SPTLC3: variants seen among roughly 807,000 people sequenced by gnomAD.
SPTLC3 encodes serine palmitoyltransferase 3.
A neutral mutation model predicts 59.3 loss-of-function variants in SPTLC3; 36 were observed. The observed-to-expected ratio is 0.61, with a 90% confidence interval of 0.47 to 0.80. The LOEUF is 0.80. SPTLC3 is among the 30% of genes least tolerant of loss of function. The pLI is 0.00. For missense variants in SPTLC3, 625 were observed against 685.1 expected (o/e 0.91, Z 0.98); for synonymous variants, 257 against 240.8 (o/e 1.07, Z -0.62).
At chr20:13,067,027 T>A (rs1266540023) in intron 2 of SPTLC3, among the ~76,000 whole-genome samples, 1 of 92,844 alleles carries the variant, frequency 1.1e-5, no homozygotes, top group African/African-American at 3.4e-5. Flanking sequence ...TATGTTTATA[T>A]AAAAATGTCA....
At chr20:13,106,082 G>A (rs926440931) in intron 6 of SPTLC3, among the ~76,000 whole-genome samples, 1 of 152,100 alleles carries the variant, frequency 6.6e-6, no homozygotes, top group Admixed American at 6.6e-5. Flanking sequence ...TCTTGGGAAC[G>A]TTCAAAAAAT....
chr20:13,101,405 T>C (rs1169790247), intron 6 of SPTLC3, among the ~76,000 whole-genome samples: 1 of 152,206 alleles, frequency 6.6e-6, no homozygotes, highest in African/African-American at 2.4e-5. Flanking sequence ...CTCAGTCCAG[T>C]GTGATGGCTA....
Position 13,027,636 on chromosome 20 carries a change from AGCAC to A in SPTLC3, c.117+18257_117+18260del, listed in dbSNP as rs796863910. Among the ~76,000 whole-genome samples, 335 of 72,964 alleles carry A rather than the reference AGCAC, an allele frequency of 4.6e-3. 4 individuals carry two copies. The highest frequency in any genetic ancestry group is 0.015 in the African/African-American group (324 of 21,926). 47.9% of individuals were successfully genotyped at this position (72,964 alleles called of 152,430 possible). A position where few individuals can be genotyped will look rare whatever the true frequency, so the allele number is the denominator to read the frequency against. On this transcript the variant is annotated intron_variant, in intron 1 of 11. Transcript: ENST00000399002. ...CCTCTGTTCTTCAGTAATCTATTTCAGCACGCACACACACACACACACACACACA... is the reference window on the plus strand; with the variant it reads ...CCTCTGTTCTTCAGTAATCTATTTCAGCACACACACACACACACACACACA...
intron 5 of SPTLC3, among the ~76,000 whole-genome samples, chr20:13,092,475 T>C (rs377107189): frequency 2.6e-5 from 4 of 152,226 alleles, no homozygotes; most frequent in African/African-American, 9.6e-5. Context: ...TATAAAAAGC[T>C]TAAGACATCA....
intron 9 of SPTLC3, among the ~76,000 whole-genome samples, chr20:13,146,614 T>C (rs2038515872): frequency 6.6e-6 from 1 of 152,184 alleles, no homozygotes; most frequent in South Asian, 2.1e-4. Flanking sequence ...AATAATACTA[T>C]GCAAATGTCT....
chr20:13,027,204 A>G (rs1191251523), intron 1 of SPTLC3, among the ~76,000 whole-genome samples: 1 of 152,204 alleles, frequency 6.6e-6, no homozygotes, highest in Non-Finnish European at 1.5e-5. Flanking sequence ...CTTCTGGAGA[A>G]CCCAAAATTA....
intron 6 of SPTLC3, among the ~76,000 whole-genome samples, chr20:13,101,874 C>A (rs1043659586): frequency 2.0e-5 from 3 of 152,128 alleles, no homozygotes; most frequent in Non-Finnish European, 4.4e-5. Flanking sequence ...ACACTCAGAG[C>A]AGCGAGACTG....
At chr20:13,144,627 T>G (rs6033625) in intron 9 of SPTLC3, among the ~76,000 whole-genome samples, 107,589 of 152,080 alleles carry the variant, frequency 0.71, 38,100 homozygotes, top group African/African-American at 0.75. Context: ...CAACAAACAC[T>G]ATATAATTTG....
rs1385417210 is a variant in SPTLC3, at chr20:13,039,408, G to A, written c.118-9537G>A. ...ACAGTTTTGTTTTAAAATCTATTTT[G>A]TCTGATACTACTATAGCAATTTCAG... On this transcript the variant is annotated intron_variant, in intron 1 of 11. Transcript: ENST00000399002. Among the ~76,000 whole-genome samples the A allele has an allele frequency of 2.0e-5, 3 of 151,858 alleles. 1 individual carries two copies.
intron 10 of SPTLC3, 25 bp from the exon 11 acceptor site, chr20:13,159,978 T>C: frequency 6.6e-7 from 1 of 1,516,716 alleles, no homozygotes; most frequent in South Asian, 1.3e-5. Flanking sequence ...CACTTTTTTT[T>C]TTTCTTTTTT....
intron 11 of SPTLC3, among the ~76,000 whole-genome samples, chr20:13,163,228 C>T (rs532755964): frequency 1.1e-4 from 16 of 151,906 alleles, no homozygotes; most frequent in Admixed American, 9.2e-4. Flanking sequence ...ATTAGCCAGG[C>T]GTAGTAGCAT....
intron 5 of SPTLC3, among the ~76,000 whole-genome samples, chr20:13,092,099 CT>C (rs1442278351): frequency 6.6e-6 from 1 of 152,150 alleles, no homozygotes; most frequent in African/African-American, 2.4e-5. Flanking sequence ...TCTGCAATGT[CT>C]GTGCAAAAGT....
chr20:13,069,292 C>T (rs549311378), intron 2 of SPTLC3, among the ~76,000 whole-genome samples: 3 of 152,150 alleles, frequency 2.0e-5, no homozygotes, highest in Admixed American at 6.5e-5. Context: ...GTTCAAGTCA[C>T]GCACCTTTCT....
rs536775172 is a variant in SPTLC3, at chr20:13,110,215, C to T, written c.930C>T (p.Tyr310=). ...TTCTCATCCTGGTGGAGGGTGTCTACAGGTATGTAAATAACAGGACACATT... is the reference window on the plus strand; with the variant it reads ...TTCTCATCCTGGTGGAGGGTGTCTATAGGTATGTAAATAACAGGACACATT... The part of the protein sequence containing the change: ...KKILILVEGV[Y]SMEGSIVHLP... The change falls in exon 7 of 12, where the codon TAC becomes TAT. Residue 310 remains tyrosine (Y), a splice_region_variant and synonymous_variant. Transcript: ENST00000399002. 16 of 1,612,972 alleles carry T rather than the reference C, an allele frequency of 9.9e-6. No individual in the cohort carries two copies. In the East Asian group the frequency reaches 3.6e-4, roughly 36 times the overall value.
At chr20:13,021,070 G>A (rs778202818) in intron 1 of SPTLC3, among the ~76,000 whole-genome samples, 45 of 152,146 alleles carry the variant, frequency 3.0e-4, no homozygotes, top group Non-Finnish European at 6.2e-4. Context: ...ATCCCATAAT[G>A]ACTTCTCAAT....
At chr20:13,071,045 C>T (rs1988416761) in intron 2 of SPTLC3, among the ~76,000 whole-genome samples, 1 of 152,108 alleles carries the variant, frequency 6.6e-6, no homozygotes, top group African/African-American at 2.4e-5. Flanking sequence ...ACTGTAATCC[C>T]ACGAATGTCC....
chr20:13,042,602 G>A (rs973656873), intron 1 of SPTLC3, among the ~76,000 whole-genome samples: 1 of 152,172 alleles, frequency 6.6e-6, no homozygotes, highest in Admixed American at 6.5e-5. Flanking sequence ...CTGCAAAACA[G>A]AACTGAGAGT....
chr20:13,077,251 A>G (rs181132356), intron 4 of SPTLC3, among the ~76,000 whole-genome samples: 14 of 150,902 alleles, frequency 9.3e-5, no homozygotes, highest in Non-Finnish European at 1.9e-4. Flanking sequence ...ATAAGTTACT[A>G]TTACTTTATG....
At chr20:13,156,850 C>T (rs2038780026) in intron 10 of SPTLC3, among the ~76,000 whole-genome samples, 1 of 152,182 alleles carries the variant, frequency 6.6e-6, no homozygotes, top group Non-Finnish European at 1.5e-5. Flanking sequence ...GGTTGCATGG[C>T]TCTCCAAAAT....
Sources: gnomAD v4.1 joint callset for allele counts (sites outside exome capture counted in the v4.1 genomes callset) on GRCh38, gnomAD v4.1.1 for gene constraint, MANE v1.5 for transcripts, NCBI Gene and HGNC (gene_info 2026-07-23, HGNC 2026-07-21) for gene names.